The following KIAA0825 variants were observed in gnomAD, a reference collection of about 807,000 sequenced individuals.
KIAA0825 encodes KIAA0825, also known as uncharacterized protein KIAA0825.
Under a neutral mutation model 147.6 loss-of-function variants are expected in KIAA0825, and 119 were observed. The ratio of observed to expected loss-of-function variants is 0.81; its 90% CI spans 0.69 to 0.94. The LOEUF is 0.94. Ranked by LOEUF, KIAA0825 falls within the 40% of genes least tolerant of loss-of-function variation. The pLI, the probability that KIAA0825 is intolerant of heterozygous loss-of-function variation, is 0.00. For synonymous variants in KIAA0825, 470 were observed against 518.1 expected, an observed-to-expected ratio of 0.91 and a Z score of 1.26; for missense variants, 1,381 against 1,472.7, an observed-to-expected ratio of 0.94 and a Z score of 1.02.
chr5:94,548,648 A>G (rs1381378143), intron 2 of KIAA0825, among the ~76,000 whole-genome samples: 1 of 152,184 alleles, frequency 6.6e-6, no homozygotes, highest in East Asian at 1.9e-4. Flanking sequence ...ACCAAGACCC[A>G]GTGGTGTCCT....
At chr5:94,249,998 A>G (rs965672938) in intron 20 of KIAA0825, among the ~76,000 whole-genome samples, 1 of 152,100 alleles carries the variant, frequency 6.6e-6, no homozygotes, top group Non-Finnish European at 1.5e-5. Context: ...TAGATTATTT[A>G]CAAGATATTT....
At chr5:94,519,531 T>C (rs1767774905) in intron 5 of KIAA0825, 1 of 659,544 alleles carries the variant, frequency 1.5e-6, no homozygotes, top group Non-Finnish European at 1.9e-6. Context: ...ATGAATAAAA[T>C]AGAAATTTTC....
chr5:94,428,323 A>G (rs1755184985), intron 14 of KIAA0825, among the ~76,000 whole-genome samples: 1 of 151,770 alleles, frequency 6.6e-6, no homozygotes, highest in Non-Finnish European at 1.5e-5. Context: ...TGTAGTTTCT[A>G]TTGTGTGGTT....
At chr5:94,347,403 A>C (rs1009657541) in intron 20 of KIAA0825, among the ~76,000 whole-genome samples, 2 of 152,034 alleles carry the variant, frequency 1.3e-5, no homozygotes, top group African/African-American at 4.8e-5. Context: ...AGTTCATTGC[A>C]CCCCCTGCCA....
At chr5:94,187,277 A>AT (rs1052690059) in intron 20 of KIAA0825, among the ~76,000 whole-genome samples, 1 of 151,216 alleles carries the variant, frequency 6.6e-6, no homozygotes, top group African/African-American at 2.4e-5. Flanking sequence ...GAAAACTAGC[A>AT]TTTTTTAGCC....
At chr5:94,380,329 A>T (rs1748222582) in intron 20 of KIAA0825, among the ~76,000 whole-genome samples, 2 of 152,238 alleles carry the variant, frequency 1.3e-5, no homozygotes, top group Admixed American at 1.3e-4. Flanking sequence ...TTAACCAAAC[A>T]TCACATAAGA....
intron 2 of KIAA0825, among the ~76,000 whole-genome samples, chr5:94,559,329 C>T (rs1319138129): frequency 6.6e-6 from 1 of 152,164 alleles, no homozygotes; most frequent in African/African-American, 2.4e-5. Flanking sequence ...TCTCTCCTAA[C>T]TGTTGATCTT....
intron 20 of KIAA0825, among the ~76,000 whole-genome samples, chr5:94,306,121 C>T (rs1255454242): frequency 6.6e-6 from 1 of 151,586 alleles, no homozygotes; most frequent in East Asian, 1.9e-4. Flanking sequence ...TATAAAATAA[C>T]TACATATAAA....
In KIAA0825 at chr5:94,240,694, C is replaced by A. The variant is rs562302702; in HGVS notation, c.3711-86570G>T. On this transcript the variant is annotated intron_variant, in intron 20 of 20. Coordinates refer to ENST00000682413, the MANE Select transcript of KIAA0825 (RefSeq NM_001145678.3). ...ATAACAGGGGTGTGGGGTTGCCAGA[C>A]TGTCAAAGGGAAATCCAGGCAGTGA... Among the ~76,000 whole-genome samples, 3 of 152,300 alleles carry A rather than the reference C, an allele frequency of 2.0e-5. No homozygotes were observed. The South Asian group carries it at 6.2e-4, about 32-fold the overall frequency.
chr5:94,562,631 ATAT>A (rs1777752879), intron 2 of KIAA0825, among the ~76,000 whole-genome samples: 1 of 152,224 alleles, frequency 6.6e-6, no homozygotes, highest in African/African-American at 2.4e-5. Flanking sequence ...AGCTGGACAA[ATAT>A]TATTTCCACA....
At chr5:94,613,043 AC>A (rs1262355767) in intron 1 of KIAA0825, among the ~76,000 whole-genome samples, 2 of 152,176 alleles carry the variant, frequency 1.3e-5, no homozygotes, top group Non-Finnish European at 2.9e-5. Flanking sequence ...TTTAAGCTCA[AC>A]CCCAGGTCCT....
chr5:94,506,895 T>C (rs1765797420), intron 5 of KIAA0825, among the ~76,000 whole-genome samples: 1 of 152,144 alleles, frequency 6.6e-6, no homozygotes, highest in Non-Finnish European at 1.5e-5. Context: ...GAAATATGGA[T>C]TGTAATTCTT....
At chr5:94,424,517 G>A (rs889710867) in intron 14 of KIAA0825, among the ~76,000 whole-genome samples, 3 of 151,874 alleles carry the variant, frequency 2.0e-5, no homozygotes, top group Non-Finnish European at 4.4e-5. Context: ...TACAACAAAA[G>A]CAGTGTTAAG....
chr5:94,505,963 C>T (rs184359614), intron 5 of KIAA0825, among the ~76,000 whole-genome samples: 16 of 152,312 alleles, frequency 1.1e-4, no homozygotes, highest in Admixed American at 3.3e-4. Flanking sequence ...TTGAAAAATA[C>T]GTTTAGCTAT....
chr5:94,411,861 C>T (rs543690356), intron 15 of KIAA0825, among the ~76,000 whole-genome samples: 8 of 152,040 alleles, frequency 5.3e-5, no homozygotes, highest in South Asian at 2.1e-4. Context: ...GCAGGAGAAT[C>T]GCTTGAACCT....
chr5:94,551,375 A>G (rs185714545), intron 2 of KIAA0825, among the ~76,000 whole-genome samples: 16 of 152,236 alleles, frequency 1.1e-4, no homozygotes, highest in South Asian at 6.2e-4. Flanking sequence ...AATATCCCCA[A>G]AAAGTTTCAG....
At chr5:94,377,967 G>A (rs1030761579) in intron 20 of KIAA0825, among the ~76,000 whole-genome samples, 3 of 152,026 alleles carry the variant, frequency 2.0e-5, no homozygotes, top group Non-Finnish European at 4.4e-5. Context: ...TATAAGTCTT[G>A]GAGTATAAAA....
intron 5 of KIAA0825, among the ~76,000 whole-genome samples, chr5:94,494,642 T>G (rs1474789061): frequency 6.6e-6 from 1 of 152,212 alleles, no homozygotes; most frequent in Admixed American, 6.5e-5. Flanking sequence ...TGGTACATTA[T>G]TAATGAAAAT....
chr5:94,542,319 T>C (rs1773492170), intron 2 of KIAA0825, among the ~76,000 whole-genome samples: 1 of 152,222 alleles, frequency 6.6e-6, no homozygotes, highest in Admixed American at 6.5e-5. Context: ...TGCTGATCTT[T>C]TGTTTTGTTT....
Sources: gnomAD v4.1 joint callset for allele counts (sites outside exome capture counted in the v4.1 genomes callset) on GRCh38, gnomAD v4.1.1 for gene constraint, MANE v1.5 for transcripts, NCBI Gene and HGNC (gene_info 2026-07-23, HGNC 2026-07-21) for gene names.